CSF3R: variants seen among roughly 807,000 people sequenced by gnomAD.
CSF3R encodes colony stimulating factor 3 receptor.
In CSF3R, 52 loss-of-function variants were observed where a neutral mutation model predicts 84.4. The observed-to-expected ratio is 0.62, with a 90% confidence interval of 0.49 to 0.78. The LOEUF (loss-of-function observed/expected upper bound fraction) is 0.78. Among genes scored for constraint, CSF3R ranks in the 30% least tolerant of loss-of-function variants. CSF3R has a pLI of 0.00. For missense variants in CSF3R, 890 were observed against 1,055.7 expected (o/e 0.84, Z 2.17); for synonymous variants, 384 against 429.1 (o/e 0.89, Z 1.30).
At chr1:36,480,884 C>T (rs1651478873) in intron 2 of CSF3R, among the ~76,000 whole-genome samples, 1 of 152,296 alleles carries the variant, frequency 6.6e-6, no homozygotes, top group East Asian at 1.9e-4. Context: ...AGAAAGCACC[C>T]CTTCCTCTGG....
intron 10 of CSF3R, among the ~76,000 whole-genome samples, chr1:36,470,610 A>C (rs182453498): frequency 3.4e-4 from 52 of 152,376 alleles, no homozygotes; most frequent in Admixed American, 5.2e-4. Context: ...CTAAGATCAC[A>C]CAGCTAGTAA....
rs200741796 is a variant in CSF3R, at chr1:36,466,924, A to C, written c.2041-97T>G. 377 of 1,613,162 alleles carry C rather than the reference A, an allele frequency of 2.3e-4. 3 individuals carry two copies. In the African/African-American group the frequency reaches 4.4e-3, roughly 19 times the overall value. On this transcript the variant is annotated intron_variant, in intron 16 of 16. Transcript: ENST00000373106. This position sits in a 1 kb window ranked among gnomAD's most constrained non-coding sequence, Gnocchi z 4.6. ...GTCCGGGCAGCTGTGGGGACATTCAACTGTTGTTACTGGTGGAACACAAAG... is the reference window on the plus strand; with the variant it reads ...GTCCGGGCAGCTGTGGGGACATTCACCTGTTGTTACTGGTGGAACACAAAG...
rs756481411 is a variant in CSF3R, at chr1:36,466,725, A to T, written c.2143T>A (p.Ser715Thr). The part of the protein sequence containing the change: ...KPVPWESHNS[S>T]ETCGLPTLVQ... ...AGAGTGGGGAGGCCACAGGTCTCTG[A>T]GCTGTTATGGGACTCCCAGGGCACC... The change falls in exon 17 of 17, where the codon TCA becomes ACA. Residue 715 changes from serine (S) to threonine (T), a missense_variant. By Grantham distance (58) the Ser-to-Thr change is moderately conservative (BLOSUM62 1). Transcript: ENST00000373106. The surrounding 1 kb of genome is among the most constrained non-coding windows in gnomAD (Gnocchi z 4.6). 1.2e-6 allele frequency: 2 copies of T among 1,614,094 alleles called. No individual in the cohort carries two copies. The highest frequency in any genetic ancestry group is 1.7e-6 in the Non-Finnish European group (2 of 1,180,000).
chr1:36,478,287 G>A (rs1651291871), intron 3 of CSF3R, among the ~76,000 whole-genome samples: 1 of 152,016 alleles, frequency 6.6e-6, no homozygotes, highest in South Asian at 2.1e-4. Context: ...CCAGCACTTT[G>A]GGAGGCCGAG....
chr1:36,472,349 C>T lies in CSF3R; in HGVS notation c.886G>A (p.Gly296Arg), dbSNP rs368300579. The T allele has an allele frequency of 1.3e-5, 21 of 1,614,100 alleles. No individual in the cohort carries two copies. The Middle Eastern group carries it at 1.2e-3, about 89-fold the overall frequency. Residue 296 changes from glycine to arginine, a missense_variant, in exon 8 of 17, where the codon GGG (glycine) becomes AGG (arginine). Physicochemically the swap from Gly to Arg is moderately radical, Grantham distance 125. Coordinates refer to ENST00000373106, the MANE Select transcript of CSF3R (RefSeq NM_000760.4). This position sits in a 1 kb window ranked among gnomAD's most constrained non-coding sequence, Gnocchi z 5.0. ...PLEALQYELCGLLPATAYTLQ... is the reference protein window; with the variant it reads ...PLEALQYELCRLLPATAYTLQ... ...GTGTAGGCCGTGGCTGGGAGGAGCC[C>T]GCAGAGCTCATACTGAAGGGCCTCC... is the stretch of plus-strand genomic sequence containing the variant.
At chr1:36,468,524 G>A in intron 12 of CSF3R, 1 of 284,048 alleles carries the variant, frequency 3.5e-6, no homozygotes, top group Non-Finnish European at 6.6e-6. Flanking sequence ...TTTATGCCAG[G>A]TCCTCTGTCC....
At chr1:36,473,737 G>A (rs949212509) in intron 5 of CSF3R, 27 bp downstream of exon 5, 3 of 1,614,010 alleles carry the variant, frequency 1.9e-6, no homozygotes, top group East Asian at 2.2e-5. Context: ...CCAAAGGGAG[G>A]GGACCAAGGT....
chr1:36,472,841 T>A lies in CSF3R; in HGVS notation c.674-155A>T. The A allele has an allele frequency of 1.1e-6, 1 of 922,114 alleles. No homozygotes were observed. The highest frequency in any genetic ancestry group is 1.6e-6 in the Non-Finnish European group (1 of 635,230). 57.1% of individuals were successfully genotyped at this position (922,114 alleles called of 1,614,324 possible). On this transcript the variant is annotated intron_variant, in intron 6 of 16. Transcript: ENST00000373106. This position sits in a 1 kb window ranked among gnomAD's most constrained non-coding sequence, Gnocchi z 5.0. The stretch of plus-strand genomic sequence containing the variant: ...ATCTCTATGTGTCTTTGTTTCTCTC[T>A]AGGTCTCTGTTTCCGCTCTTGCCCC...
At chr1:36,476,682 T>G (rs1651173761) in intron 3 of CSF3R, among the ~76,000 whole-genome samples, 1 of 152,062 alleles carries the variant, frequency 6.6e-6, no homozygotes, top group Non-Finnish European at 1.5e-5. Context: ...TTTTTTTTCT[T>G]CAAGTTCTTG....
intron 2 of CSF3R, among the ~76,000 whole-genome samples, chr1:36,480,983 C>T (rs1339437697): frequency 6.6e-6 from 1 of 152,218 alleles, no homozygotes; most frequent in Non-Finnish European, 1.5e-5. Context: ...CAGTGAGAAA[C>T]CTGTACAAGT....
intron 4 of CSF3R, among the ~76,000 whole-genome samples, chr1:36,475,057 T>G (rs1305659790): frequency 6.6e-6 from 1 of 151,360 alleles, no homozygotes; most frequent in African/African-American, 2.4e-5. Flanking sequence ...CAGGCTGGAG[T>G]GCAGTGGTGT....
At chr1:36,471,029 G>A (rs1188489543) in intron 10 of CSF3R, among the ~76,000 whole-genome samples, 1 of 152,074 alleles carries the variant, frequency 6.6e-6, no homozygotes, top group Non-Finnish European at 1.5e-5. Flanking sequence ...GTTAGCAAGT[G>A]ATAGGACTCG....
chr1:36,468,038 C>A (rs1314773802), intron 13 of CSF3R, 37 bp downstream of exon 13: 44 of 1,614,124 alleles, frequency 2.7e-5, no homozygotes, highest in Non-Finnish European at 3.4e-5. Flanking sequence ...CCCTTCCAGG[C>A]CTTCTGGGGC....
rs559457770 is a variant in CSF3R at position 36,472,975 on chromosome 1, G to A, written c.674-289C>T. 5.1e-5 allele frequency: 24 copies of A among 468,560 alleles called. No individual in the cohort carries two copies. The highest frequency in any genetic ancestry group is 1.8e-4 in the East Asian group (5 of 27,204). The allele number at this position is 468,560 out of a possible 1,614,324, so 29.0% of individuals were successfully genotyped here. The stretch of plus-strand genomic sequence containing the variant: ...GATCTGCTCAATTGTCACCCTCTTA[G>A]TGAGGCCTTTCTTGACCAGCATATT... On this transcript the variant is annotated intron_variant, in intron 6 of 16. Transcript: ENST00000373106. The surrounding 1 kb of genome is among the most constrained non-coding windows in gnomAD (Gnocchi z 5.0).
Position 36,471,618 on chromosome 1 carries a change from C to A in CSF3R, c.1100G>T (p.Arg367Leu). The part of the protein sequence containing the change: ...KPVPLEEDSG[R>L]IQGYVVSWRP... The stretch of plus-strand genomic sequence containing the variant: ...CCAAGAAACCACATAACCTTGGATC[C>A]GTCCGCTGTCTTCCTCCAGGGGCAC... Residue 367 changes from arginine to leucine, a missense_variant, in exon 10 of 17, where the codon CGG (arginine) becomes CTG (leucine). By Grantham distance (102) the Arg-to-Leu change is moderately radical (BLOSUM62 -2). Transcript: ENST00000373106. The A allele has an allele frequency of 6.2e-7, 1 of 1,614,202 alleles. No individual in the cohort carries two copies. Among genetic ancestry groups the A allele is most frequent in the Non-Finnish European group, 8.5e-7 (1 of 1,180,048 alleles).
In CSF3R at chr1:36,475,337, G is replaced by T. The variant is rs1217787226; in HGVS notation, c.361+40C>A. On this transcript the variant is annotated intron_variant, in intron 4 of 16. Transcript: ENST00000373106. ...TATTCTTATTAGTATTGGCAGGAGG[G>T]TGTTGGAGGCAGAGTAGTTGGATGG... 3.1e-6 allele frequency: 5 copies of T among 1,609,766 alleles called. No individual in the cohort carries two copies. The South Asian group carries it at 4.4e-5, about 14-fold the overall frequency.
intron 3 of CSF3R, among the ~76,000 whole-genome samples, chr1:36,478,047 C>T (rs1427030429): frequency 2.0e-4 from 31 of 151,710 alleles, no homozygotes; most frequent in Non-Finnish European, 4.3e-4. Flanking sequence ...CGTGAGCCAC[C>T]GCGCCCGGCC....
Position 36,473,457 on chromosome 1 carries a change from C to T in CSF3R, c.651G>A (p.Leu217=). The change falls in exon 6 of 17, where the codon CTG becomes CTA. Residue 217 remains leucine (L), a synonymous_variant. Coordinates refer to ENST00000373106, the MANE Select transcript of CSF3R (RefSeq NM_000760.4). ...NALGTSMSPQ[L]CLDPMDVVKL... ...CACCAACATCCATGGGATCAAGACA[C>T]AGTTGTGGGGACATGCTGGTCCCCA... 5.0e-6 allele frequency: 8 copies of T among 1,614,050 alleles called. No homozygotes were observed. Among genetic ancestry groups the T allele is most frequent in the Non-Finnish European group, 6.8e-6 (8 of 1,180,028 alleles).
chr1:36,471,615 A>G lies in CSF3R; in HGVS notation c.1103T>C (p.Ile368Thr), dbSNP rs1650741888. The G allele has an allele frequency of 1.9e-6, 3 of 1,614,186 alleles. No individual in the cohort carries two copies. Among genetic ancestry groups the G allele is most frequent in the Non-Finnish European group, 2.5e-6 (3 of 1,180,036 alleles). The stretch of plus-strand genomic sequence containing the variant: ...TCTCCAAGAAACCACATAACCTTGG[A>G]TCCGTCCGCTGTCTTCCTCCAGGGG... ...PVPLEEDSGRIQGYVVSWRPS... is the reference protein window; with the variant it reads ...PVPLEEDSGRTQGYVVSWRPS... The change falls in exon 10 of 17, where the codon ATC (isoleucine) becomes ACC (threonine). Residue 368 changes from isoleucine to threonine, a missense_variant. Transcript: ENST00000373106.
Sources: allele counts gnomAD v4.1 joint callset (sites outside exome capture counted in the v4.1 genomes callset), GRCh38; gene constraint gnomAD v4.1.1; non-coding constraint Gnocchi (gnomAD v3.1); transcripts MANE v1.5; gene names NCBI Gene and HGNC (gene_info 2026-07-23, HGNC 2026-07-21).